The following SH3PXD2B variants were observed in gnomAD, a reference collection of about 807,000 sequenced individuals.
SH3PXD2B encodes the protein SH3 and PX domain-containing protein 2B.
In SH3PXD2B, 37 loss-of-function variants were observed where a neutral mutation model predicts 73.1. The ratio of observed to expected loss-of-function variants is 0.51; its 90% confidence interval spans 0.39 to 0.67. The LOEUF (loss-of-function observed/expected upper bound fraction) is 0.67, where lower values mean the gene tolerates loss of function less well. Among genes scored for constraint, SH3PXD2B ranks in the 30% least tolerant of loss-of-function variants. SH3PXD2B has a pLI of 0.00. For missense variants in SH3PXD2B, 1,053 were observed against 1,197.8 expected (o/e 0.88, Z 1.78); for synonymous variants, 457 against 480.5 (o/e 0.95, Z 0.64).
Position 172,454,442 on chromosome 5 carries a change from AC to A in SH3PXD2B, c.-91del. 1.3e-6 allele frequency: 1 copy of A among 777,812 alleles called. No homozygotes were observed. The highest frequency in any genetic ancestry group is 1.6e-6 in the Non-Finnish European group (1 of 608,250). The allele number at this position is 777,812 out of a possible 1,614,324, so 48.2% of individuals were successfully genotyped here. A position where few individuals can be genotyped will look rare whatever the true frequency, so the allele number is the denominator to read the frequency against. ...GGGGGCGCGCCGCCGCGGGCAGGGA[AC>A]CTGGAGCTGAGCGCAATCGCAGCCG... On this transcript the variant is annotated 5_prime_UTR_variant, in exon 1 of 13. Coordinates refer to ENST00000311601, the MANE Select transcript of SH3PXD2B (RefSeq NM_001017995.3).
chr5:172,389,057 CTTT>C (rs113765077), intron 4 of SH3PXD2B, among the ~76,000 whole-genome samples: 6 of 136,518 alleles, frequency 4.4e-5, no homozygotes, highest in Admixed American at 7.2e-5. Flanking sequence ...TTTACTTTTT[CTTT>C]TTTTTTTTTT....
chr5:172,440,982 C>A (rs1438402480), intron 1 of SH3PXD2B, among the ~76,000 whole-genome samples: 1 of 152,134 alleles, frequency 6.6e-6, no homozygotes, highest in East Asian at 1.9e-4. Flanking sequence ...GGCTTATAAC[C>A]CCCTTCCACG....
At chr5:172,394,197 G>A (rs187578604) in intron 4 of SH3PXD2B, among the ~76,000 whole-genome samples, 4 of 152,268 alleles carry the variant, frequency 2.6e-5, no homozygotes, top group East Asian at 1.9e-4. Context: ...CACCTGCCTC[G>A]GCCTCCCAAA....
intron 3 of SH3PXD2B, among the ~76,000 whole-genome samples, chr5:172,397,186 C>T (rs371002821): frequency 3.1e-4 from 47 of 152,220 alleles, no homozygotes; most frequent in African/African-American, 7.2e-4. Flanking sequence ...TTTATGGTTG[C>T]AGATAAGGGA....
At chr5:172,447,864 G>T (rs1044116537) in intron 1 of SH3PXD2B, among the ~76,000 whole-genome samples, 1 of 152,060 alleles carries the variant, frequency 6.6e-6, no homozygotes, top group South Asian at 2.1e-4. Context: ...GAGCTGAGGG[G>T]CTGGTGCATT....
chr5:172,435,228 A>G (rs984866337), intron 1 of SH3PXD2B, among the ~76,000 whole-genome samples: 4 of 152,232 alleles, frequency 2.6e-5, no homozygotes, highest in African/African-American at 4.8e-5. Flanking sequence ...TTCCCCAGGT[A>G]TAGTAGACAG....
chr5:172,417,952 G>A (rs190405436), intron 2 of SH3PXD2B, among the ~76,000 whole-genome samples: 26 of 152,202 alleles, frequency 1.7e-4, no homozygotes, highest in East Asian at 1.2e-3. Flanking sequence ...GTATCTTCCC[G>A]TTTTCCCCTA....
chr5:172,355,190 C>T (rs1271356517), intron 8 of SH3PXD2B, among the ~76,000 whole-genome samples: 1 of 152,256 alleles, frequency 6.6e-6, no homozygotes, highest in African/African-American at 2.4e-5. Context: ...GGGAAAATAC[C>T]ACATGCCGTC....
intron 12 of SH3PXD2B, among the ~76,000 whole-genome samples, chr5:172,325,762 T>TTTTTG (rs529154450): frequency 0.022 from 3,358 of 151,824 alleles, 89 homozygotes; most frequent in African/African-American, 0.06. Flanking sequence ...CCTGCCTGGT[T>TTTTTG]TTTTGTTTTG....
chr5:172,401,892 C>T (rs1758428598), intron 3 of SH3PXD2B, among the ~76,000 whole-genome samples: 1 of 152,132 alleles, frequency 6.6e-6, no homozygotes, highest in Non-Finnish European at 1.5e-5. Flanking sequence ...TGTATGTCGC[C>T]TCAGGACCCT....
At chr5:172,419,446 T>C (rs970066541) in intron 2 of SH3PXD2B, among the ~76,000 whole-genome samples, 1 of 152,174 alleles carries the variant, frequency 6.6e-6, no homozygotes, top group Non-Finnish European at 1.5e-5. Flanking sequence ...TTCTCCCTTC[T>C]GGAGACTGGA....
At chr5:172,423,545 T>TGGGGG (rs34097249) in intron 1 of SH3PXD2B, among the ~76,000 whole-genome samples, 2 of 67,562 alleles carry the variant, frequency 3.0e-5, no homozygotes, top group African/African-American at 1.2e-4. Context: ...GATACGGGGT[T>TGGGGG]GGGGGGGGGG....
At chr5:172,451,262 G>A (rs1471829646) in intron 1 of SH3PXD2B, among the ~76,000 whole-genome samples, 11 of 152,210 alleles carry the variant, frequency 7.2e-5, no homozygotes, top group African/African-American at 1.4e-4. Flanking sequence ...GGTAGTGGCC[G>A]AGATGGCTGC....
intron 12 of SH3PXD2B, among the ~76,000 whole-genome samples, chr5:172,345,877 A>C (rs1379911489): frequency 6.6e-6 from 1 of 152,160 alleles, no homozygotes; most frequent in Non-Finnish European, 1.5e-5. Context: ...GGGGAAATGG[A>C]GGGTGGCTGT....
chr5:172,347,240 C>T, intron 11 of SH3PXD2B, 43 bp downstream of exon 11: 1 of 1,608,468 alleles, frequency 6.2e-7, no homozygotes, highest in African/African-American at 1.3e-5. Flanking sequence ...CCCTCACAGC[C>T]CTCAAGTCAG....
At chr5:172,350,288 G>T (rs776726835) in intron 10 of SH3PXD2B, 75 bp downstream of exon 10, 3 of 1,447,808 alleles carry the variant, frequency 2.1e-6, no homozygotes, top group Admixed American at 1.8e-5. Flanking sequence ...GATGAGGGAC[G>T]ATGTGAGACG....
chr5:172,346,478 C>T (rs550815696), intron 11 of SH3PXD2B, among the ~76,000 whole-genome samples: 7 of 152,116 alleles, frequency 4.6e-5, no homozygotes, highest in South Asian at 2.1e-4. Context: ...GGAAGAAACA[C>T]GGGACATTTG....
At chr5:172,371,780 CTT>C (rs1011671604) in intron 6 of SH3PXD2B, among the ~76,000 whole-genome samples, 7 of 152,228 alleles carry the variant, frequency 4.6e-5, no homozygotes, top group African/African-American at 1.7e-4. Flanking sequence ...TCTTTCCTCT[CTT>C]CTCTACCCTC....
At chr5:172,430,943 C>T (rs1387477317) in intron 1 of SH3PXD2B, among the ~76,000 whole-genome samples, 2 of 152,026 alleles carry the variant, frequency 1.3e-5, no homozygotes, top group Middle Eastern at 3.4e-3. Flanking sequence ...CTCGGCTCAA[C>T]GCAACCTCCA....
Sources: allele counts gnomAD v4.1 joint callset (sites outside exome capture counted in the v4.1 genomes callset), GRCh38; gene constraint gnomAD v4.1.1; transcripts MANE v1.5; gene names NCBI Gene and HGNC (gene_info 2026-07-23, HGNC 2026-07-21).